The following PDE1C variants were observed in gnomAD, a reference collection of about 807,000 sequenced individuals.
PDE1C encodes the protein dual specificity calcium/calmodulin-dependent 3',5'-cyclic nucleotide phosphodiesterase 1C.
In PDE1C, 62 loss-of-function variants were observed where a neutral mutation model predicts 93.1. The ratio of observed to expected loss-of-function variants is 0.67; its 90% CI spans 0.54 to 0.82. The LOEUF (loss-of-function observed/expected upper bound fraction) is 0.82. Ranked by LOEUF, PDE1C falls within the 40% of genes least tolerant of loss-of-function variation. The probability of loss-of-function intolerance (pLI) is 0.00; values close to 1 mark genes in which losing one functional copy is unlikely to be tolerated. For synonymous variants in PDE1C, 325 were observed against 310.1 expected (o/e 1.05, Z -0.50); for missense variants, 742 against 884.6 (o/e 0.84, Z 2.04).
At chr7:31,909,667 T>A (rs556696201) in intron 2 of PDE1C, among the ~76,000 whole-genome samples, 4 of 152,214 alleles carry the variant, frequency 2.6e-5, no homozygotes, top group African/African-American at 9.6e-5. Flanking sequence ...TCTTGGTAGT[T>A]CATAAAATGA....
At chr7:31,903,143 T>C (rs532376979) in intron 2 of PDE1C, among the ~76,000 whole-genome samples, 1 of 152,046 alleles carries the variant, frequency 6.6e-6, no homozygotes, top group Admixed American at 6.6e-5. Context: ...ATAGTGATTT[T>C]ATAAAACCAT....
chr7:31,946,021 ATTCT>A (rs1181493671), intron 2 of PDE1C, among the ~76,000 whole-genome samples: 1 of 151,882 alleles, frequency 6.6e-6, no homozygotes, highest in Non-Finnish European at 1.5e-5. Flanking sequence ...TCTCCTTTTG[ATTCT>A]TTCTCATTTC....
intron 1 of PDE1C, among the ~76,000 whole-genome samples, chr7:32,376,990 T>C (rs1198428460): frequency 1.3e-5 from 2 of 152,048 alleles, no homozygotes; most frequent in Non-Finnish European, 1.5e-5. Flanking sequence ...CTCGGCCGAC[T>C]TCCCCTTTCT....
At chr7:32,156,231 A>G (rs927062710) in intron 3 of PDE1C, among the ~76,000 whole-genome samples, 1 of 152,074 alleles carries the variant, frequency 6.6e-6, no homozygotes, top group African/African-American at 2.4e-5. Flanking sequence ...TCAACCCATC[A>G]CCTAGGTATT....
chr7:31,621,773 A>C, the PDE1C span, among the ~76,000 whole-genome samples: 1 of 148,832 alleles, frequency 6.7e-6, no homozygotes, highest in Non-Finnish European at 1.5e-5. Context: ...CTTTAAATGT[A>C]AATGGACTAA....
At chr7:32,366,016 A>T (rs1784223496) in intron 1 of PDE1C, among the ~76,000 whole-genome samples, 1 of 152,186 alleles carries the variant, frequency 6.6e-6, no homozygotes, top group African/African-American at 2.4e-5. Flanking sequence ...CCCATCAAAC[A>T]TGAAAAAGCA....
At chr7:31,756,486 T>C (rs1015479826) in intron 17 of PDE1C, among the ~76,000 whole-genome samples, 2 of 151,998 alleles carry the variant, frequency 1.3e-5, no homozygotes, top group African/African-American at 4.8e-5. Flanking sequence ...CTAAGGAAAG[T>C]TGATGACTAA....
chr7:32,390,541 GAA>G (rs753651084), intron 1 of PDE1C, among the ~76,000 whole-genome samples: 4 of 93,060 alleles, frequency 4.3e-5, no homozygotes, highest in Admixed American at 2.6e-4. Context: ...AGTGATCATT[GAA>G]AAAAAAAAAA....
At chr7:32,164,939 C>A (rs1301630758) in intron 3 of PDE1C, among the ~76,000 whole-genome samples, 1 of 152,166 alleles carries the variant, frequency 6.6e-6, no homozygotes, top group Non-Finnish European at 1.5e-5. Context: ...AAAACCTGAG[C>A]AGAGCAACAG....
At chr7:32,376,001 A>C (rs1197726958) in intron 1 of PDE1C, among the ~76,000 whole-genome samples, 3 of 152,160 alleles carry the variant, frequency 2.0e-5, no homozygotes, top group African/African-American at 7.2e-5. Flanking sequence ...TTCTAAAAAT[A>C]GAAAAATTAG....
chr7:32,211,681 A>T (rs1458234950), intron 1 of PDE1C, among the ~76,000 whole-genome samples: 1 of 152,126 alleles, frequency 6.6e-6, no homozygotes, highest in East Asian at 1.9e-4. Context: ...CATGGCCTTG[A>T]GTTCAACTTA....
the PDE1C span, among the ~76,000 whole-genome samples, chr7:31,713,416 C>T: frequency 6.6e-6 from 1 of 152,192 alleles, no homozygotes; most frequent in Non-Finnish European, 1.5e-5. Context: ...AGGGTATAGT[C>T]CCCCCTGGCT....
chr7:32,365,430 C>G (rs1424372996), intron 1 of PDE1C, among the ~76,000 whole-genome samples: 2 of 152,142 alleles, frequency 1.3e-5, no homozygotes, highest in African/African-American at 4.8e-5. Context: ...TCAGGCCAGC[C>G]AAGTACTGTG....
At chr7:32,392,014 A>G (rs1213208107) in intron 1 of PDE1C, among the ~76,000 whole-genome samples, 1 of 152,094 alleles carries the variant, frequency 6.6e-6, no homozygotes, top group East Asian at 1.9e-4. Context: ...ATAGAAAAGC[A>G]ATAAAGAAAA....
the PDE1C span, among the ~76,000 whole-genome samples, chr7:31,742,326 G>GC: frequency 5.9e-5 from 9 of 152,208 alleles, no homozygotes; most frequent in African/African-American, 1.9e-4. Flanking sequence ...GCTGATGGCT[G>GC]CCTAGACTAT....
At chr7:32,057,448 A>G (rs947258345) in intron 1 of PDE1C, among the ~76,000 whole-genome samples, 1 of 152,158 alleles carries the variant, frequency 6.6e-6, no homozygotes, top group Non-Finnish European at 1.5e-5. Context: ...AACCCCCCTC[A>G]ACGGCTTCGG....
the PDE1C span, chr7:31,651,947 C>A: frequency 6.3e-7 from 1 of 1,592,724 alleles, no homozygotes; most frequent in Non-Finnish European, 8.6e-7. Context: ...AGGGAGGAGG[C>A]CGAGCAACTG....
chr7:32,207,614 C>A (rs564418206), intron 2 of PDE1C, among the ~76,000 whole-genome samples: 3 of 144,266 alleles, frequency 2.1e-5, no homozygotes, highest in Non-Finnish European at 4.6e-5. Context: ...GGAGCTTTTT[C>A]GTTCTCCTTT....
intron 2 of PDE1C, among the ~76,000 whole-genome samples, chr7:31,989,427 T>A (rs1783881218): frequency 6.6e-6 from 1 of 152,226 alleles, no homozygotes; most frequent in African/African-American, 2.4e-5. Flanking sequence ...TAAATATGCA[T>A]ATCAGGTTTT....
Sources: gnomAD v4.1 joint callset for allele counts (sites outside exome capture counted in the v4.1 genomes callset) on GRCh38, gnomAD v4.1.1 for gene constraint, MANE v1.5 for transcripts, NCBI Gene and HGNC (gene_info 2026-07-23, HGNC 2026-07-21) for gene names.